The following CFAP77 variants were observed in gnomAD, a reference collection of about 807,000 sequenced individuals.
CFAP77 encodes cilia- and flagella-associated protein 77.
CFAP77 carries 25 observed loss-of-function variants against 31.1 expected under a neutral mutation model. The ratio of observed to expected loss-of-function variants is 0.80; its 90% CI spans 0.59 to 1.12. CFAP77 has a LOEUF of 1.12. Among genes scored for constraint, CFAP77 ranks in the 50% most tolerant of loss-of-function variants. CFAP77 has a pLI of 0.00. For synonymous variants in CFAP77, 151 were observed against 159.9 expected (o/e 0.94, Z 0.42); for missense variants, 377 against 397.3 (o/e 0.95, Z 0.44).
At chr9:132,488,497 AG>A (rs1851600088) in intron 1 of CFAP77, among the ~76,000 whole-genome samples, 1 of 152,210 alleles carries the variant, frequency 6.6e-6, no homozygotes, top group African/African-American at 2.4e-5. Flanking sequence ...GGGAAAAAAA[AG>A]TAGATTGGGT....
At chr9:132,459,418 AGG>A (rs1286625817) in intron 1 of CFAP77, among the ~76,000 whole-genome samples, 1 of 129,106 alleles carries the variant, frequency 7.7e-6, no homozygotes. Context: ...CTGGATGAAT[AGG>A]GTGTGTGTGT....
At chr9:132,426,484 C>G (rs185106050) in intron 1 of CFAP77, among the ~76,000 whole-genome samples, 20 of 151,568 alleles carry the variant, frequency 1.3e-4, no homozygotes, top group Non-Finnish European at 2.2e-4. Flanking sequence ...CCCCACCCCC[C>G]CTCCCTGTTT....
chr9:132,465,691 A>G (rs1851141295), intron 1 of CFAP77, among the ~76,000 whole-genome samples: 1 of 152,238 alleles, frequency 6.6e-6, no homozygotes, highest in South Asian at 2.1e-4. Flanking sequence ...TACAACAAGC[A>G]TGAAGTAACT....
chr9:132,422,712 CA>C (rs141903311), intron 1 of CFAP77, among the ~76,000 whole-genome samples: 1 of 152,264 alleles, frequency 6.6e-6, no homozygotes, highest in Non-Finnish European at 1.5e-5. Context: ...GGGGTCAAAG[CA>C]GGGGGAATAC....
intron 1 of CFAP77, among the ~76,000 whole-genome samples, chr9:132,415,401 C>T (rs1468377829): frequency 1.3e-5 from 2 of 152,166 alleles, no homozygotes; most frequent in Non-Finnish European, 2.9e-5. Context: ...TTCAGAAAGC[C>T]GAGCTGCCCC....
rs965920111 is a variant in CFAP77, at chr9:132,443,949, G to A, written c.195+33483G>A. Among the ~76,000 whole-genome samples, 8 of 152,354 alleles carry A rather than the reference G, an allele frequency of 5.3e-5. No homozygotes were observed. In the East Asian group the frequency reaches 5.8e-4, roughly 11 times the overall value. On this transcript the variant is annotated intron_variant, in intron 1 of 5. Transcript: ENST00000393216. ...ATTTTCCCATTTTATTCAATCAACC[G>A]TTGAGTTCACACGCCAGCCATTCCT...
rs1851843410 is a variant in CFAP77 at position 132,501,523 on chromosome 9, C to T, written c.524+1923C>T. Among the ~76,000 whole-genome samples, 1 of 152,134 alleles carries T rather than the reference C, an allele frequency of 6.6e-6. No individual in the cohort carries two copies. The highest frequency in any genetic ancestry group is 6.5e-5 in the Admixed American group (1 of 15,272). ...GTTCCAGTGATTCTCCTGCCTCAGC[C>T]TCCCGAGTAGCTGGGACTACAGGCG... is the stretch of plus-strand genomic sequence containing the variant. On this transcript the variant is annotated intron_variant, in intron 3 of 5. Coordinates refer to ENST00000393216, the MANE Select transcript of CFAP77 (RefSeq NM_001282957.2). The surrounding 1 kb of genome is among the most constrained non-coding windows in gnomAD (Gnocchi z 4.6).
chr9:132,541,630 A>C (rs890779915), intron 4 of CFAP77, among the ~76,000 whole-genome samples: 1 of 152,188 alleles, frequency 6.6e-6, no homozygotes. Flanking sequence ...AGGCTGAGGC[A>C]GGAGAGTTGC....
chr9:132,465,614 A>AC (rs1051217159), intron 1 of CFAP77, among the ~76,000 whole-genome samples: 81 of 152,268 alleles, frequency 5.3e-4, no homozygotes, highest in African/African-American at 1.4e-3. Context: ...CACTTGGGGG[A>AC]CCTCAGTGGG....
Position 132,537,747 on chromosome 9 carries a change from T to TG in CFAP77, c.630+43dup, listed in dbSNP as rs1287460437. The TG allele has an allele frequency of 4.7e-6, 7 of 1,501,646 alleles. No individual in the cohort carries two copies. In the Admixed American group the frequency reaches 6.8e-5, roughly 15 times the overall value. The allele number at this position is 1,501,646 out of a possible 1,614,324, so 93.0% of individuals were successfully genotyped here. A position where few individuals can be genotyped will look rare whatever the true frequency, so the allele number is the denominator to read the frequency against. ...GCTCCCAAGTTGACAGCTGATGGGG[T>TG]GGAGAAGAGAGAAGGGCTGGCCAGG... On this transcript the variant is annotated intron_variant, in intron 4 of 5. Transcript: ENST00000393216.
intron 3 of CFAP77, among the ~76,000 whole-genome samples, chr9:132,519,687 G>T: frequency 8.5e-6 from 1 of 117,208 alleles, no homozygotes; most frequent in Admixed American, 8.5e-5. Flanking sequence ...TGGATGAGTG[G>T]GTGGGTGGAT....
In CFAP77 at chr9:132,502,277, T is replaced by TCG. The variant is rs1554744820; in HGVS notation, c.524+2677_524+2678insCG. Among the ~76,000 whole-genome samples the TCG allele has an allele frequency of 7.1e-4, 88 of 123,504 alleles. 1 individual carries two copies. In the East Asian group the frequency reaches 0.018, roughly 26 times the overall value. The allele number at this position is 123,504 out of a possible 152,430, so 81.0% of individuals were successfully genotyped here. On this transcript the variant is annotated intron_variant, in intron 3 of 5. Transcript: ENST00000393216. ...TATATATATATATATTTTTTTTTTT[T>TCG]GGGGGAGGGGGGTGGTAGTTCCTTC... is the stretch of plus-strand genomic sequence containing the variant.
At chr9:132,570,907 C>T (rs970012649) in intron 5 of CFAP77, among the ~76,000 whole-genome samples, 4 of 152,190 alleles carry the variant, frequency 2.6e-5, no homozygotes, top group Non-Finnish European at 5.9e-5. Flanking sequence ...CTGAACCACA[C>T]TCTGCCCTAG....
intron 1 of CFAP77, among the ~76,000 whole-genome samples, chr9:132,433,009 C>T (rs983964250): frequency 2.0e-5 from 3 of 151,420 alleles, no homozygotes; most frequent in South Asian, 2.1e-4. Context: ...CCACCAAGCC[C>T]GGCCAATTTT....
intron 3 of CFAP77, among the ~76,000 whole-genome samples, chr9:132,529,288 A>AT (rs1852391569): frequency 8.0e-6 from 1 of 124,280 alleles, no homozygotes; most frequent in Non-Finnish European, 1.7e-5. Context: ...ATTCTCACTC[A>AT]TAGGTGGGAA....
chr9:132,561,910 C>T (rs1447083662), intron 5 of CFAP77, among the ~76,000 whole-genome samples: 2 of 152,188 alleles, frequency 1.3e-5, no homozygotes, highest in East Asian at 3.9e-4. Flanking sequence ...AGCCATTCAA[C>T]CCAGCAGAAG....
chr9:132,462,437 C>T (rs368290100), intron 1 of CFAP77, among the ~76,000 whole-genome samples: 22 of 152,170 alleles, frequency 1.4e-4, no homozygotes, highest in Admixed American at 6.6e-4. Flanking sequence ...GGCTGTGACT[C>T]GTTCCATTAC....
At chr9:132,518,215 G>A (rs187310999) in intron 3 of CFAP77, among the ~76,000 whole-genome samples, 10 of 152,172 alleles carry the variant, frequency 6.6e-5, no homozygotes, top group Admixed American at 6.5e-4. Context: ...CCCTGGATGG[G>A]GCCCAGCGTG....
chr9:132,566,019 C>G (rs748084435), intron 5 of CFAP77, among the ~76,000 whole-genome samples: 3 of 152,188 alleles, frequency 2.0e-5, no homozygotes, highest in Admixed American at 2.0e-4. Context: ...AGAGACAGAC[C>G]GCAGATGGCT....
Sources: gnomAD v4.1 joint callset for allele counts (sites outside exome capture counted in the v4.1 genomes callset) on GRCh38, gnomAD v4.1.1 for gene constraint, Gnocchi (gnomAD v3.1) non-coding constraint, MANE v1.5 for transcripts, NCBI Gene and HGNC (gene_info 2026-07-23, HGNC 2026-07-21) for gene names.